The following DENND5A variants were observed in gnomAD, a reference collection of about 807,000 sequenced individuals.
The protein encoded by DENND5A is DENN domain containing 5A.
Under a neutral mutation model 140.3 loss-of-function variants are expected in DENND5A, and 64 were observed. The ratio of observed to expected loss-of-function variants is 0.46; its 90% CI spans 0.37 to 0.56. The LOEUF is 0.56. Among genes scored for constraint, DENND5A ranks in the 20% least tolerant of loss-of-function variants. The probability of loss-of-function intolerance (pLI) is 0.00; values close to 1 mark genes in which losing one functional copy is unlikely to be tolerated. For missense variants in DENND5A, 1,292 were observed against 1,593.8 expected (o/e 0.81, Z 3.22); for synonymous variants, 605 against 607.7 (o/e 1.00, Z 0.07).
intron 1 of DENND5A, among the ~76,000 whole-genome samples, chr11:9,223,024 C>T (rs1375679437): frequency 6.6e-6 from 1 of 152,178 alleles, no homozygotes; most frequent in African/African-American, 2.4e-5. Context: ...AAGCAATTAG[C>T]ATGGTAAAGT....
At chr11:9,166,075 T>TTTTTTC (rs1361968896) in intron 10 of DENND5A, 108 bp from the exon 11 acceptor site, 2 of 1,121,120 alleles carry the variant, frequency 1.8e-6, no homozygotes, top group African/African-American at 1.6e-5. Flanking sequence ...CATTTTCTTT[T>TTTTTTC]TTTTTCTTTT....
intron 1 of DENND5A, among the ~76,000 whole-genome samples, chr11:9,231,715 C>CG (rs1850779827): frequency 1.3e-5 from 1 of 78,956 alleles, no homozygotes; most frequent in Non-Finnish European, 2.4e-5. Context: ...AACTCCGTCT[C>CG]AAAAAAAAAA....
chr11:9,260,949 A>G (rs1852168582), intron 1 of DENND5A, among the ~76,000 whole-genome samples: 1 of 152,144 alleles, frequency 6.6e-6, no homozygotes, highest in Non-Finnish European at 1.5e-5. Context: ...CTGAGACTCA[A>G]GTGACCTTCT....
intron 7 of DENND5A, 106 bp downstream of exon 7, chr11:9,178,752 A>G (rs7949349): frequency 0.21 from 193,134 of 937,102 alleles, 23,076 homozygotes; most frequent in African/African-American, 0.42. Flanking sequence ...TGTTTCCAGC[A>G]TATGATAATC....
intron 1 of DENND5A, among the ~76,000 whole-genome samples, chr11:9,218,510 A>G (rs1388030750): frequency 6.6e-6 from 1 of 152,000 alleles, no homozygotes; most frequent in Admixed American, 6.6e-5. Context: ...TGGATCACTT[A>G]AGCCCAGGAG....
Position 9,139,719 on chromosome 11 carries a change from C to T in DENND5A, c.3816G>A (p.Glu1272=). 1.2e-6 allele frequency: 2 copies of T among 1,614,052 alleles called. No homozygotes were observed. Among genetic ancestry groups the T allele is most frequent in the Non-Finnish European group, 1.7e-6 (2 of 1,180,000 alleles). The change falls in exon 23 of 23, where the codon GAG becomes GAA. Residue 1272 remains glutamate (E), a synonymous_variant. Transcript: ENST00000328194. ...GGGACGTCTCCAGCGTGATGTTGAA[C>T]TCCTGCAATGTCTGCAGCACACGAA... ...SLIRVLQTLQ[E]FNITLETSLV...
chr11:9,157,244 A>G (rs1847836830), intron 12 of DENND5A, among the ~76,000 whole-genome samples: 1 of 152,208 alleles, frequency 6.6e-6, no homozygotes, highest in Non-Finnish European at 1.5e-5. Context: ...GCATAATAAT[A>G]GCTGTCATAT....
At chr11:9,263,413 G>T (rs923109806) in intron 1 of DENND5A, among the ~76,000 whole-genome samples, 1 of 151,288 alleles carries the variant, frequency 6.6e-6, no homozygotes, top group African/African-American at 2.4e-5. Context: ...TAGAGACGGG[G>T]GTTTCACCAT....
intron 1 of DENND5A, among the ~76,000 whole-genome samples, chr11:9,214,151 C>T (rs941517291): frequency 6.6e-6 from 1 of 152,186 alleles, no homozygotes; most frequent in Non-Finnish European, 1.5e-5. Context: ...CTGTTATAAA[C>T]ACTTGTGAAA....
At chr11:9,169,763 C>T (rs570133745) in intron 10 of DENND5A, 93 bp downstream of exon 10, 67 of 816,172 alleles carry the variant, frequency 8.2e-5, no homozygotes, top group Non-Finnish European at 1.1e-4. Flanking sequence ...ATTGCTGAGA[C>T]GTTTGAATCA....
Position 9,154,568 on chromosome 11 carries a change from G to A in DENND5A, c.2437-2126C>T, listed in dbSNP as rs535718254. ...AACATCTGAATGGTAGGAAACCCTC[G>A]CTATAGATCAGCAAGCTGTCAAAAT... On this transcript the variant is annotated intron_variant, in intron 12 of 22. Coordinates refer to ENST00000328194, the MANE Select transcript of DENND5A (RefSeq NM_015213.4). Among the ~76,000 whole-genome samples, 16 of 151,912 alleles carry A rather than the reference G, an allele frequency of 1.1e-4. No homozygotes were observed. The South Asian group carries it at 3.3e-3, about 32-fold the overall frequency.
chr11:9,176,787 C>A (rs908469144), intron 8 of DENND5A: 3 of 407,460 alleles, frequency 7.4e-6, no homozygotes, highest in South Asian at 5.3e-5. Flanking sequence ...ATTCATTCAC[C>A]CCTTCTTTCT....
chr11:9,180,408 G>A (rs956516), intron 6 of DENND5A, among the ~76,000 whole-genome samples: 9,436 of 152,196 alleles, frequency 0.062, 378 homozygotes, highest in South Asian at 0.11. Context: ...AGCCGTGACC[G>A]TGCCACCACA....
At chr11:9,188,897 A>G (rs780447823) in intron 5 of DENND5A, among the ~76,000 whole-genome samples, 8 of 152,246 alleles carry the variant, frequency 5.3e-5, no homozygotes, top group Non-Finnish European at 1.2e-4. Flanking sequence ...TCTGAGGAGA[A>G]AAGTCAAGCT....
intron 1 of DENND5A, among the ~76,000 whole-genome samples, chr11:9,230,442 T>C (rs1250660094): frequency 6.6e-6 from 1 of 151,412 alleles, no homozygotes; most frequent in Non-Finnish European, 1.5e-5. Flanking sequence ...GTTCTCACCG[T>C]TTTTCCCAGG....
intron 1 of DENND5A, among the ~76,000 whole-genome samples, chr11:9,220,926 A>G (rs1055524449): frequency 6.6e-6 from 1 of 151,546 alleles, no homozygotes; most frequent in Non-Finnish European, 1.5e-5. Context: ...ACACACACAC[A>G]CATAAATTAG....
rs11042247 is a variant in DENND5A, at chr11:9,254,855, G to C, written c.109+10106C>G. 7.4e-3 allele frequency among the ~76,000 whole-genome samples: 1,127 copies of C among 152,128 alleles called. 21 individuals are homozygous for C. Among genetic ancestry groups the C allele is most frequent in the African/African-American group, 0.026 (1,077 of 41,504 alleles). ...TAAGAGGCCAAGGAGGGTGGATCAT[G>C]AGGTCAAGAGTTCGAGACCAGCCTG... On this transcript the variant is annotated intron_variant, in intron 1 of 22. Coordinates refer to ENST00000328194, the MANE Select transcript of DENND5A (RefSeq NM_015213.4).
intron 4 of DENND5A, among the ~76,000 whole-genome samples, chr11:9,201,657 G>A (rs1471719808): frequency 6.6e-6 from 1 of 152,112 alleles, no homozygotes; most frequent in Non-Finnish European, 1.5e-5. Context: ...GCAGCAGAGT[G>A]AGACCCTGTC....
At chr11:9,193,303 A>G (rs1463660313) in intron 5 of DENND5A, among the ~76,000 whole-genome samples, 191 bp downstream of exon 5, 4 of 152,252 alleles carry the variant, frequency 2.6e-5, no homozygotes, top group South Asian at 2.1e-4. Flanking sequence ...GATAAAGATA[A>G]TAAGTGTCTC....
Sources: gnomAD v4.1 joint callset for allele counts (sites outside exome capture counted in the v4.1 genomes callset) on GRCh38, gnomAD v4.1.1 for gene constraint, MANE v1.5 for transcripts, NCBI Gene and HGNC (gene_info 2026-07-23, HGNC 2026-07-21) for gene names.